The following TNS3 variants were observed in gnomAD, a reference collection of about 807,000 sequenced individuals.
TNS3 encodes tensin-3.
Under a neutral mutation model 140.9 loss-of-function variants are expected in TNS3, and 45 were observed. That is an observed-to-expected ratio of 0.32 (90% CI 0.25 to 0.41). The LOEUF (loss-of-function observed/expected upper bound fraction) is 0.41, where lower values mean the gene tolerates loss of function less well. Ranked by LOEUF, TNS3 falls within the 10% of genes least tolerant of loss-of-function variation. TNS3 has a pLI of 1.00. For missense variants in TNS3, 1,716 were observed against 1,906.7 expected, an observed-to-expected ratio of 0.90 and a Z score of 1.86; for synonymous variants, 815 against 788.4, an observed-to-expected ratio of 1.03 and a Z score of -0.56.
At chr7:47,344,136 T>C (rs1399926258) in intron 20 of TNS3, among the ~76,000 whole-genome samples, 2 of 152,188 alleles carry the variant, frequency 1.3e-5, no homozygotes, top group Non-Finnish European at 2.9e-5. Flanking sequence ...TCCACCTGCC[T>C]GAGCTCGGCC....
chr7:47,282,852 A>C (rs886233061), intron 28 of TNS3, among the ~76,000 whole-genome samples: 1 of 152,104 alleles, frequency 6.6e-6, no homozygotes, highest in Non-Finnish European at 1.5e-5. Flanking sequence ...TCCTGCCTTC[A>C]ACCTCCCAGG....
chr7:47,388,826 A>T (rs4724570), intron 16 of TNS3, among the ~76,000 whole-genome samples: 1 of 151,338 alleles, frequency 6.6e-6, no homozygotes, highest in African/African-American at 2.4e-5. Context: ...AAGATTGGGC[A>T]GCTGCACTCC....
rs1446844357 is a variant in TNS3, at chr7:47,276,303, C to T, written c.*1773G>A. On this transcript the variant is annotated 3_prime_UTR_variant, in exon 31 of 31. Transcript: ENST00000311160. The stretch of plus-strand genomic sequence containing the variant: ...GTGGAATGGTCCACCTGCTTTCACA[C>T]ACGCATACACGCACGCATGCACACA... 3 of 174,682 alleles carry T rather than the reference C, an allele frequency of 1.7e-5. No individual in the cohort carries two copies. The highest frequency in any genetic ancestry group is 3.7e-5 in the Non-Finnish European group (3 of 81,976). The allele number at this position is 174,682 out of a possible 1,614,324, so 10.8% of individuals were successfully genotyped here.
chr7:47,337,063 A>G (rs1448283766), intron 20 of TNS3, among the ~76,000 whole-genome samples: 1 of 151,548 alleles, frequency 6.6e-6, no homozygotes, highest in Non-Finnish European at 1.5e-5. Context: ...ATCCCTCGCC[A>G]TTTGTGTCTA....
At chr7:47,306,579 T>C (rs962542634) in intron 20 of TNS3, among the ~76,000 whole-genome samples, 37 of 115,142 alleles carry the variant, frequency 3.2e-4, no homozygotes, top group African/African-American at 1.4e-3. Flanking sequence ...CCTTAGAGAA[T>C]TTTTTTTTTT....
At chr7:47,341,804 C>G (rs1194883412) in intron 20 of TNS3, among the ~76,000 whole-genome samples, 4 of 151,954 alleles carry the variant, frequency 2.6e-5, no homozygotes. Context: ...GAGGTAAGAG[C>G]ATAAACTATT....
At chr7:47,366,087 T>G (rs749147233) in intron 17 of TNS3, among the ~76,000 whole-genome samples, 6 of 152,222 alleles carry the variant, frequency 3.9e-5, no homozygotes, top group Admixed American at 6.5e-5. Flanking sequence ...CTTCTGATTT[T>G]AATGTTTCCA....
chr7:47,467,091 T>G (rs1796751090), intron 4 of TNS3, among the ~76,000 whole-genome samples: 1 of 152,204 alleles, frequency 6.6e-6, no homozygotes, highest in South Asian at 2.1e-4. Flanking sequence ...GTGTCCAAAG[T>G]ACAAAGCTAA....
chr7:47,450,253 G>A (rs1002134708), intron 4 of TNS3, among the ~76,000 whole-genome samples: 1 of 152,306 alleles, frequency 6.6e-6, no homozygotes, highest in South Asian at 2.1e-4. Context: ...ACTTTAACAG[G>A]CTTATCTAAA....
chr7:47,567,362 A>G (rs958374630), intron 1 of TNS3, among the ~76,000 whole-genome samples: 3 of 152,226 alleles, frequency 2.0e-5, no homozygotes, highest in African/African-American at 7.2e-5. Context: ...CAGACACAGA[A>G]TTAAAAATAC....
At chr7:47,444,397 C>A (rs1427350708) in intron 4 of TNS3, among the ~76,000 whole-genome samples, 2 of 152,222 alleles carry the variant, frequency 1.3e-5, no homozygotes, top group Non-Finnish European at 2.9e-5. Flanking sequence ...GAAAGACTGG[C>A]ACGCAACTTA....
At chr7:47,344,888 G>A (rs1047473097) in intron 19 of TNS3, 36 bp downstream of exon 19, 7 of 1,610,474 alleles carry the variant, frequency 4.3e-6, no homozygotes, top group Middle Eastern at 1.7e-4. Context: ...CTTGGGCATG[G>A]AGCAGCACAT....
intron 1 of TNS3, among the ~76,000 whole-genome samples, chr7:47,554,775 A>C (rs994480176): frequency 2.0e-5 from 3 of 152,232 alleles, no homozygotes; most frequent in African/African-American, 7.2e-5. Context: ...TCACACCTGT[A>C]ATCCCAGCAT....
At chr7:47,345,129 C>T (rs1789258571) in intron 18 of TNS3, 91 bp from the exon 19 acceptor site, 3 of 1,006,764 alleles carry the variant, frequency 3.0e-6, no homozygotes, top group African/African-American at 1.6e-5. Flanking sequence ...CCAGGCTGGC[C>T]CACTGAGCAA....
Position 47,329,752 on chromosome 7 carries a change from G to A in TNS3, c.2650+15003C>T, listed in dbSNP as rs116242732. On this transcript the variant is annotated intron_variant, in intron 20 of 30. Coordinates refer to ENST00000311160, the MANE Select transcript of TNS3 (RefSeq NM_022748.12). ...AGCAGAGAGGAAGGCGGCACGGGGC[G>A]GCACCAGCATGGGGCAGCCAGGCCC... is the stretch of plus-strand genomic sequence containing the variant. Among the ~76,000 whole-genome samples the A allele has an allele frequency of 2.7e-3, 407 of 152,252 alleles. 3 individuals carry two copies. Among genetic ancestry groups the A allele is most frequent in the African/African-American group, 9.1e-3 (379 of 41,550 alleles).
chr7:47,551,933 G>A (rs184159026), intron 1 of TNS3, among the ~76,000 whole-genome samples: 26 of 152,204 alleles, frequency 1.7e-4, no homozygotes, highest in African/African-American at 6.3e-4. Flanking sequence ...AAAACCGTGT[G>A]TCCACCGGGA....
chr7:47,455,356 G>C (rs1027312308), intron 4 of TNS3, among the ~76,000 whole-genome samples: 2 of 152,154 alleles, frequency 1.3e-5, no homozygotes, highest in Non-Finnish European at 2.9e-5. Context: ...TCCACACCCA[G>C]AAGGGCACAG....
chr7:47,454,399 G>A (rs374263760), intron 4 of TNS3, among the ~76,000 whole-genome samples: 113 of 152,252 alleles, frequency 7.4e-4, no homozygotes, highest in African/African-American at 2.3e-3. Context: ...TAACTCCTCC[G>A]AGCATTGGTT....
At chr7:47,369,642 G>A (rs1318706673) in intron 16 of TNS3, 21 bp from the exon 17 acceptor site, 1 of 1,532,378 alleles carries the variant, frequency 6.5e-7, no homozygotes, top group Non-Finnish European at 8.8e-7. Flanking sequence ...GAAAACCGGA[G>A]AGAGGCTTTC....
Sources: allele counts gnomAD v4.1 joint callset (sites outside exome capture counted in the v4.1 genomes callset), GRCh38; gene constraint gnomAD v4.1.1; transcripts MANE v1.5; gene names NCBI Gene and HGNC (gene_info 2026-07-23, HGNC 2026-07-21).